FHAD1: variants seen among roughly 807,000 people sequenced by gnomAD.
FHAD1 encodes the protein forkhead associated phosphopeptide binding domain 1.
Under a neutral mutation model 191.3 loss-of-function variants are expected in FHAD1, and 146 were observed. The ratio of observed to expected loss-of-function variants is 0.76; its 90% confidence interval spans 0.67 to 0.88. The LOEUF (loss-of-function observed/expected upper bound fraction) is 0.88. Among genes scored for constraint, FHAD1 ranks in the 40% least tolerant of loss-of-function variants. FHAD1 has a pLI of 0.00. For synonymous variants in FHAD1, 616 were observed against 672.3 expected (o/e 0.92, Z 1.29); for missense variants, 1,635 against 1,785.8 (o/e 0.92, Z 1.52).
intron 23 of FHAD1, 102 bp downstream of exon 23, chr1:15,362,828 C>T (rs1695240590): frequency 3.4e-6 from 3 of 871,592 alleles, no homozygotes; most frequent in South Asian, 2.9e-5. Context: ...TTGTCAGAAG[C>T]CAAACAAGGA....
chr1:15,246,110 G>C (rs1645998015), upstream of FHAD1, among the ~76,000 whole-genome samples: 1 of 152,220 alleles, frequency 6.6e-6, no homozygotes, highest in Non-Finnish European at 1.5e-5. Context: ...GGGGAAGCAA[G>C]GAAGCTAGCA....
chr1:15,324,579 C>G lies in FHAD1; in HGVS notation c.1473+20C>G. On this transcript the variant is annotated intron_variant, in intron 11 of 33. Coordinates refer to ENST00000688493, the MANE Select transcript of FHAD1 (RefSeq NM_001391957.1). ...GGTCAGGTAGGCATGTTCCAGAGCC[C>G]CCCTCATTGGCCCACGCTCTCCAAT... 2 of 1,503,678 alleles carry G rather than the reference C, an allele frequency of 1.3e-6. No homozygotes were observed. The highest frequency in any genetic ancestry group is 1.8e-6 in the Non-Finnish European group (2 of 1,103,472). 93.1% of individuals were successfully genotyped at this position (1,503,678 alleles called of 1,614,324 possible).
At position 15,329,290 on chromosome 1, in the gene FHAD1, CAG is replaced by C. The variant is rs1172338905; in HGVS notation, c.1711-55_1711-54del. ...GAACGCTGTTCCTCGAAGGTCACGT[CAG>C]GGGCTATTTCTGGCCACAGGGCCTG... On this transcript the variant is annotated intron_variant, in intron 13 of 33. Transcript: ENST00000688493. This position sits in a 1 kb window ranked among gnomAD's most constrained non-coding sequence, Gnocchi z 5.0. 61 of 1,427,628 alleles carry C rather than the reference CAG, an allele frequency of 4.3e-5. No homozygotes were observed. Among genetic ancestry groups the C allele is most frequent in the Admixed American group, 1.6e-4 (7 of 43,878 alleles). The allele number at this position is 1,427,628 out of a possible 1,614,324, so 88.4% of individuals were successfully genotyped here.
chr1:15,309,479 G>C (rs1007467815), intron 7 of FHAD1, among the ~76,000 whole-genome samples: 1 of 152,136 alleles, frequency 6.6e-6, no homozygotes, highest in Non-Finnish European at 1.5e-5. Flanking sequence ...ACCAGAGAGA[G>C]ATCAGTGCTC....
intron 14 of FHAD1, among the ~76,000 whole-genome samples, chr1:15,330,662 C>T (rs1680888436): frequency 6.6e-6 from 1 of 152,060 alleles, no homozygotes; most frequent in African/African-American, 2.4e-5. Context: ...GGAGTTGTTG[C>T]CAAAGAAAGG....
intron 24 of FHAD1, 40 bp from the exon 25 acceptor site, chr1:15,367,423 G>T: frequency 1.3e-6 from 2 of 1,540,028 alleles, no homozygotes; most frequent in East Asian, 4.9e-5. Context: ...TTGAACCCGG[G>T]AGGCAGAGAC....
At chr1:15,357,391 G>A (rs543404588) in intron 20 of FHAD1, among the ~76,000 whole-genome samples, 19 of 152,124 alleles carry the variant, frequency 1.2e-4, no homozygotes, top group Non-Finnish European at 2.6e-4. Flanking sequence ...TTGGGAGGCC[G>A]AGGCAGGCGG....
At chr1:15,396,849 A>C (rs1449651250) in intron 33 of FHAD1, among the ~76,000 whole-genome samples, 1 of 151,706 alleles carries the variant, frequency 6.6e-6, no homozygotes, top group East Asian at 1.9e-4. Context: ...AGTACAATAC[A>C]ATAAAATACA....
intron 6 of FHAD1, among the ~76,000 whole-genome samples, chr1:15,308,287 G>C (rs1300800004): frequency 6.6e-6 from 1 of 152,170 alleles, no homozygotes; most frequent in Non-Finnish European, 1.5e-5. Flanking sequence ...GGGCGACCTG[G>C]AACCAACAGG....
intron 1 of FHAD1, among the ~76,000 whole-genome samples, chr1:15,239,541 C>T (rs1752025): frequency 0.94 from 143,092 of 152,296 alleles, 67,342 homozygotes; most frequent in East Asian, 1. Context: ...TGAGCCGAGA[C>T]TGTGCCACTG....
At chr1:15,259,339 C>T (rs908284990) in intron 2 of FHAD1, among the ~76,000 whole-genome samples, 2 of 152,108 alleles carry the variant, frequency 1.3e-5, no homozygotes, top group African/African-American at 2.4e-5. Context: ...CTACTATTAT[C>T]GTTATTATCC....
rs900098376 is a variant in FHAD1 at position 15,381,843 on chromosome 1, T to G, written c.4023-185T>G. 1.3e-5 allele frequency among the ~76,000 whole-genome samples: 2 copies of G among 151,648 alleles called. No homozygotes were observed. The highest frequency in any genetic ancestry group is 4.8e-5 in the African/African-American group (2 of 41,290). On this transcript the variant is annotated intron_variant, in intron 30 of 33. Transcript: ENST00000688493. This position sits in a 1 kb window ranked among gnomAD's most constrained non-coding sequence, Gnocchi z 4.6. ...CTTTATCCCCTCCCGCTACACACATTCGGCTGATGAATGGCTCGTTCTGCT... is the reference window on the plus strand; with the variant it reads ...CTTTATCCCCTCCCGCTACACACATGCGGCTGATGAATGGCTCGTTCTGCT...
At chr1:15,237,882 G>T (rs1266983009) in intron 1 of FHAD1, among the ~76,000 whole-genome samples, 1 of 152,136 alleles carries the variant, frequency 6.6e-6, no homozygotes, top group African/African-American at 2.4e-5. Flanking sequence ...AGCGTGAGGG[G>T]ATTGATCAGC....
At chr1:15,282,224 G>A (rs1228671888) in intron 3 of FHAD1, among the ~76,000 whole-genome samples, 2 of 152,202 alleles carry the variant, frequency 1.3e-5, no homozygotes, top group East Asian at 3.8e-4. Flanking sequence ...CACCTAGAGT[G>A]TGTGCCAGGC....
chr1:15,324,167 AT>A (rs1677376966), intron 10 of FHAD1, among the ~76,000 whole-genome samples: 1 of 152,304 alleles, frequency 6.6e-6, no homozygotes, highest in East Asian at 1.9e-4. Flanking sequence ...GAGCAGTGAA[AT>A]GACTTTGCTG....
chr1:15,334,202 G>A (rs1683010493), intron 14 of FHAD1: 1 of 152,194 alleles, frequency 6.6e-6, no homozygotes, highest in East Asian at 1.9e-4. Context: ...GTACATTAGG[G>A]TTAAGACTCA....
chr1:15,395,598 G>A (rs935998291), intron 33 of FHAD1, among the ~76,000 whole-genome samples: 7 of 152,102 alleles, frequency 4.6e-5, no homozygotes, highest in African/African-American at 1.7e-4. Flanking sequence ...AACAAATATG[G>A]CCCGGGAGTG....
At chr1:15,238,073 CCT>C in intron 1 of FHAD1, among the ~76,000 whole-genome samples, 1 of 151,788 alleles carries the variant, frequency 6.6e-6, no homozygotes, top group Non-Finnish European at 1.5e-5. Flanking sequence ...CTGGTAAAAC[CCT>C]GTCTCTACTA....
chr1:15,369,355 T>G lies in FHAD1; in HGVS notation c.3315-15T>G. The G allele has an allele frequency of 6.4e-7, 1 of 1,551,898 alleles. No homozygotes were observed. The highest frequency in any genetic ancestry group is 8.7e-7 in the Non-Finnish European group (1 of 1,146,992). ...TTTCCAGAACCTCGTGCCATCCTCC[T>G]CTTCTCTACCCTAGGGCTTCCCAAG... On this transcript the variant is annotated splice_polypyrimidine_tract_variant and intron_variant, in intron 25 of 33. Transcript: ENST00000688493.
Sources: gnomAD v4.1 joint callset for allele counts (sites outside exome capture counted in the v4.1 genomes callset) on GRCh38, gnomAD v4.1.1 for gene constraint, Gnocchi (gnomAD v3.1) non-coding constraint, MANE v1.5 for transcripts, NCBI Gene and HGNC (gene_info 2026-07-23, HGNC 2026-07-21) for gene names.